DNHD1: variants seen among roughly 807,000 people sequenced by gnomAD.
The protein encoded by DNHD1 is dynein heavy chain domain-containing protein 1.
DNHD1 carries 383 observed loss-of-function variants against 458.1 expected under a neutral mutation model. The ratio of observed to expected loss-of-function variants is 0.84; its 90% CI spans 0.77 to 0.91. The LOEUF (loss-of-function observed/expected upper bound fraction) is 0.91, where lower values mean the gene tolerates loss of function less well. Ranked by LOEUF, DNHD1 falls within the 40% of genes least tolerant of loss-of-function variation. DNHD1 has a pLI of 0.00. For missense variants in DNHD1, 5,336 were observed against 5,866.1 expected, an observed-to-expected ratio of 0.91 and a Z score of 2.95; for synonymous variants, 2,203 against 2,376.9, an observed-to-expected ratio of 0.93 and a Z score of 2.13.
At chr11:6,521,928 G>T (rs1156904201) in intron 10 of DNHD1, among the ~76,000 whole-genome samples, 1 of 152,090 alleles carries the variant, frequency 6.6e-6, no homozygotes, top group Non-Finnish European at 1.5e-5. Context: ...TGTTGCCGAG[G>T]CTGGTCGTGA....
rs1266860897 is a variant in DNHD1 at position 6,546,153 on chromosome 11, G to A, written c.5214G>A (p.Leu1738=). The change falls in exon 21 of 43, where the codon TTG becomes TTA. Residue 1738 remains leucine (L), a synonymous_variant. Transcript: ENST00000254579. ...GALQGGAWLL[L]EKVHQLPPGL... is the part of the protein sequence containing the mutation. ...TGCAGGGTGGTGCCTGGCTGCTGTT[G>A]GAGAAAGTTCATCAGCTGCCCCCTG... is the stretch of plus-strand genomic sequence containing the variant. The A allele has an allele frequency of 6.4e-7, 1 of 1,551,190 alleles. No homozygotes were observed. Among genetic ancestry groups the A allele is most frequent in the South Asian group, 1.2e-5 (1 of 84,004 alleles).
chr11:6,563,561 T>A lies in DNHD1; in HGVS notation c.9849T>A (p.Tyr3283Ter). The stretch of plus-strand genomic sequence containing the variant: ...AGCTGTTATGCACTGAGGATTTTTA[T>A]CAGGTAGGAAGGGTGGAGCACAATG... ...AKQLLCTEDF[Y>*]QELVFFPKEK... The change falls in exon 30 of 43, where the codon TAT becomes TAA. Residue 3283 changes from tyrosine to a stop codon, truncating the protein, a stop_gained. Coordinates refer to ENST00000254579, the MANE Select transcript of DNHD1 (RefSeq NM_144666.3). LOFTEE classifies it high-confidence loss of function. 2.6e-6 allele frequency: 4 copies of A among 1,551,448 alleles called. No homozygotes were observed. Among genetic ancestry groups the A allele is most frequent in the Non-Finnish European group, 3.5e-6 (4 of 1,146,964 alleles).
rs1355538465 is a variant in DNHD1 at position 6,556,882 on chromosome 11, C to A, written c.7587C>A (p.Ser2529Arg). Residue 2529 changes from serine (S) to arginine (R), a missense_variant, in exon 25 of 43, where the codon AGC becomes AGA. Physicochemically the swap from Ser to Arg is moderately radical, Grantham distance 110 (BLOSUM62 -1). This residue lies in a region of DNHD1 where 3,932 missense variants were observed against 4,365.6 expected (regional missense o/e 0.90). Transcript: ENST00000254579. ...FRLFTVLALE[S>R]MTQATLLERH... The stretch of plus-strand genomic sequence containing the variant: ...TCTTCACAGTCCTGGCCCTGGAAAG[C>A]ATGACCCAGGCCACCCTGCTGGAAA... The A allele has an allele frequency of 2.6e-6, 4 of 1,551,598 alleles. No individual in the cohort carries two copies. The highest frequency in any genetic ancestry group is 1.4e-5 in the African/African-American group (1 of 73,044).
chr11:6,550,298 G>A (rs1853313850), intron 24 of DNHD1, among the ~76,000 whole-genome samples: 1 of 152,192 alleles, frequency 6.6e-6, no homozygotes, highest in Non-Finnish European at 1.5e-5. Flanking sequence ...TCCAAAACCT[G>A]TAGTTCCTTC....
Position 6,498,073 on chromosome 11 carries a change from C to G in DNHD1, c.-143C>G, listed in dbSNP as rs987432531. On this transcript the variant is annotated 5_prime_UTR_variant, in exon 3 of 43. Coordinates refer to ENST00000254579, the MANE Select transcript of DNHD1 (RefSeq NM_144666.3). The stretch of plus-strand genomic sequence containing the variant: ...CCCATTGACTCTGACCATCCCCTGC[C>G]CAGAGCCTGAGGTCCCTTCTCTGGC... 1.7e-6 allele frequency: 2 copies of G among 1,170,528 alleles called. No individual in the cohort carries two copies. Among genetic ancestry groups the G allele is most frequent in the Non-Finnish European group, 2.4e-6 (2 of 821,488 alleles). 72.5% of individuals were successfully genotyped at this position (1,170,528 alleles called of 1,614,324 possible).
At position 6,564,001 on chromosome 11, in the gene DNHD1, T is replaced by C; in HGVS notation, c.10161T>C (p.Asp3387=). 2 of 1,551,716 alleles carry C rather than the reference T, an allele frequency of 1.3e-6. No homozygotes were observed. Among genetic ancestry groups the C allele is most frequent in the Non-Finnish European group, 8.7e-7 (1 of 1,146,982 alleles). Reference sequence around the variant, plus strand: ...TGGCCCTGGCTAAGATGGTGGAGGATGCCCAAGCTTCCCACAACTGCGTGG... The same window carrying C: ...TGGCCCTGGCTAAGATGGTGGAGGACGCCCAAGCTTCCCACAACTGCGTGG... ...HNLALAKMVE[D]AQASHNCVAK... The change falls in exon 31 of 43, where the codon GAT becomes GAC. Residue 3387 remains aspartate, a synonymous_variant. Coordinates refer to ENST00000254579, the MANE Select transcript of DNHD1 (RefSeq NM_144666.3).
chr11:6,571,092 C>T lies in DNHD1; in HGVS notation c.13580C>T (p.Ala4527Val), dbSNP rs775862365. ...PSRRCAAVAH[A>V]LWTGRLPLPW... is the part of the protein sequence containing the mutation. ...CGCCGCTGTGCTGCGGTGGCCCACG[C>T]TCTCTGGACTGGCCGCCTACCCTTG... is the stretch of plus-strand genomic sequence containing the variant. The change falls in exon 42 of 43, where the codon GCT (alanine) becomes GTT (valine). Residue 4527 changes from alanine to valine, a missense_variant. This residue lies in a region of DNHD1 where 698 missense variants were observed against 664.9 expected (regional missense o/e 1.05). Coordinates refer to ENST00000254579, the MANE Select transcript of DNHD1 (RefSeq NM_144666.3). This position sits in a 1 kb window ranked among gnomAD's most constrained non-coding sequence, Gnocchi z 5.0. 6.3e-6 allele frequency: 10 copies of T among 1,593,632 alleles called. No homozygotes were observed. Among genetic ancestry groups the T allele is most frequent in the Non-Finnish European group, 8.5e-6 (10 of 1,170,642 alleles).
At chr11:6,566,522 C>A (rs1853703206) in intron 34 of DNHD1, 65 bp from the exon 35 acceptor site, 6 of 1,562,858 alleles carry the variant, frequency 3.8e-6, no homozygotes, top group Admixed American at 1.8e-5. Context: ...GCCATACTCC[C>A]TGTCTACTCT....
chr11:6,519,486 G>A, intron 7 of DNHD1, 114 bp from the exon 8 acceptor site: 1 of 1,176,904 alleles, frequency 8.5e-7, no homozygotes, highest in African/African-American at 1.5e-5. Context: ...CCCTCCATAT[G>A]TATATCTAGG....
In DNHD1 at chr11:6,564,561, C is replaced by T. The variant is rs1489080763; in HGVS notation, c.10513C>T (p.His3505Tyr). 1.3e-6 allele frequency: 2 copies of T among 1,551,750 alleles called. No homozygotes were observed. The highest frequency in any genetic ancestry group is 4.9e-5 in the East Asian group (2 of 40,918). Residue 3505 changes from histidine (H) to tyrosine (Y), a missense_variant, in exon 32 of 43, where the codon CAC becomes TAC. Physicochemically the swap from His to Tyr is moderately conservative, Grantham distance 83 (BLOSUM62 2). Around this residue, in one of 4 missense-constraint regions of DNHD1, gnomAD observed 3,932 missense variants for 4,365.6 expected, o/e 0.90. Transcript: ENST00000254579. ...IPPKNPLLAT[H>Y]SPFSILSLLS... ...ACCAAAGAACCCCCTGCTGGCTACACACTCTCCCTTCAGTATTCTGTCCTT... is the reference window on the plus strand; with the variant it reads ...ACCAAAGAACCCCCTGCTGGCTACATACTCTCCCTTCAGTATTCTGTCCTT...
intron 28 of DNHD1, 56 bp from the exon 29 acceptor site, chr11:6,562,926 G>A: frequency 1.3e-6 from 2 of 1,525,646 alleles, no homozygotes; most frequent in African/African-American, 1.4e-5. Context: ...GGGTCTTCTG[G>A]GGTTTCCCGC....
Position 6,570,090 on chromosome 11 carries a change from A to C in DNHD1, c.12945A>C (p.Gln4315His). ...ASLSNPRAAM[Q>H]ELAASVFYGG... is the part of the protein sequence containing the mutation. ...TTAGCAATCCCCGTGCTGCCATGCA[A>C]GAGCTGGCTGGTGAGACCCTTCCTC... The change falls in exon 40 of 43, where the codon CAA becomes CAC. Residue 4315 changes from glutamine (Q) to histidine (H), a missense_variant. Gln to His is a conservative substitution (Grantham distance 24, BLOSUM62 0). Coordinates refer to ENST00000254579, the MANE Select transcript of DNHD1 (RefSeq NM_144666.3). 2 of 1,613,462 alleles carry C rather than the reference A, an allele frequency of 1.2e-6. No homozygotes were observed. The highest frequency in any genetic ancestry group is 2.2e-5 in the East Asian group (1 of 44,820).
chr11:6,520,579 G>T (rs1209603495), intron 10 of DNHD1: 2 of 1,237,262 alleles, frequency 1.6e-6, no homozygotes, highest in Admixed American at 3.6e-5. Context: ...ACTCTGTGAG[G>T]TTTTTCTCCA....
At chr11:6,531,852 A>C (rs978391968) in intron 12 of DNHD1, among the ~76,000 whole-genome samples, 5 of 152,190 alleles carry the variant, frequency 3.3e-5, no homozygotes, top group East Asian at 1.9e-4. Flanking sequence ...ATAACATAAA[A>C]AATATTTTTA....
At position 6,557,986 on chromosome 11, in the gene DNHD1, C is replaced by G. The variant is rs1241045476; in HGVS notation, c.8691C>G (p.Arg2897=). ...TCTCGGGGGCTCTGGGTACTGGGCG[C>G]CACACTGCCATCACTCTGGCTTCTA... is the stretch of plus-strand genomic sequence containing the variant. ...LLLSGALGTG[R]HTAITLASSI... Residue 2897 remains arginine (R), a synonymous_variant, in exon 25 of 43, where the codon CGC becomes CGG. Coordinates refer to ENST00000254579, the MANE Select transcript of DNHD1 (RefSeq NM_144666.3). The G allele has an allele frequency of 6.4e-7, 1 of 1,551,698 alleles. No individual in the cohort carries two copies. Among genetic ancestry groups the G allele is most frequent in the East Asian group, 2.4e-5 (1 of 40,922 alleles).
rs1336749707 is a variant in DNHD1, at chr11:6,571,653, T to C, written c.13929T>C (p.Asn4643=). The C allele has an allele frequency of 2.5e-6, 4 of 1,593,424 alleles. No individual in the cohort carries two copies. The highest frequency in any genetic ancestry group is 1.1e-5 in the South Asian group (1 of 88,062). The change falls in exon 43 of 43, where the codon AAT becomes AAC. Residue 4643 remains asparagine, a synonymous_variant. Coordinates refer to ENST00000254579, the MANE Select transcript of DNHD1 (RefSeq NM_144666.3). This position sits in a 1 kb window ranked among gnomAD's most constrained non-coding sequence, Gnocchi z 5.0. ...PLHFRVENGP[N]PTVPERGLLL... ...GCCCCCAGGTGGAGAATGGTCCAAATCCCACGGTTCCAGAGAGAGGGCTGC... is the reference window on the plus strand; with the variant it reads ...GCCCCCAGGTGGAGAATGGTCCAAACCCCACGGTTCCAGAGAGAGGGCTGC...
intron 36 of DNHD1, 83 bp downstream of exon 36, chr11:6,567,943 G>T: frequency 6.7e-7 from 1 of 1,486,892 alleles, no homozygotes; most frequent in South Asian, 1.4e-5. Context: ...CATTTTCATG[G>T]ATCTTTCTGT....
At chr11:6,497,690 G>C (rs1852055209) in intron 2 of DNHD1, 23 bp downstream of exon 2, 1 of 156,354 alleles carries the variant, frequency 6.4e-6, no homozygotes, top group African/African-American at 2.4e-5. Flanking sequence ...CTGTGTGCGA[G>C]TCTCTCCGTG....
Position 6,545,404 on chromosome 11 carries a change from A to G in DNHD1, c.4465A>G (p.Lys1489Glu). The G allele has an allele frequency of 1.3e-6, 2 of 1,551,740 alleles. No individual in the cohort carries two copies. Among genetic ancestry groups the G allele is most frequent in the Non-Finnish European group, 1.7e-6 (2 of 1,147,004 alleles). The change falls in exon 21 of 43, where the codon AAG becomes GAG. Residue 1489 changes from lysine (K) to glutamate (E), a missense_variant. Transcript: ENST00000254579. This position sits in a 1 kb window ranked among gnomAD's most constrained non-coding sequence, Gnocchi z 4.9. ...CCTCAAGCAACTGCCCAAGCAAAAC[A>G]AGTTGTACCTGCAACTGTATGTCCA... is the stretch of plus-strand genomic sequence containing the variant. ...EALKQLPKQNKLYLQLYVQHW... is the reference protein window; with the variant it reads ...EALKQLPKQNELYLQLYVQHW...
Sources: allele counts gnomAD v4.1 joint callset (sites outside exome capture counted in the v4.1 genomes callset), GRCh38; gene constraint gnomAD v4.1.1; regional missense constraint gnomAD v4.1.1; non-coding constraint Gnocchi (gnomAD v3.1); transcripts MANE v1.5; gene names NCBI Gene and HGNC (gene_info 2026-07-23, HGNC 2026-07-21).